Variants in NLGN1 observed in about 807,000 individuals in gnomAD.
NLGN1 encodes the protein neuroligin 1.
In NLGN1, 12 loss-of-function variants were observed where a neutral mutation model predicts 65.5. That is an observed-to-expected ratio of 0.18 (90% CI 0.12 to 0.30). The LOEUF (loss-of-function observed/expected upper bound fraction) is 0.30, where lower values mean the gene tolerates loss of function less well. Among genes scored for constraint, NLGN1 ranks in the 10% least tolerant of loss-of-function variants. The probability of loss-of-function intolerance (pLI) is 1.00; values close to 1 mark genes in which losing one functional copy is unlikely to be tolerated. For synonymous variants in NLGN1, 350 were observed against 359.5 expected (o/e 0.97, Z 0.30); for missense variants, 750 against 1,007.1 (o/e 0.74, Z 3.46).
intron 3 of NLGN1, among the ~76,000 whole-genome samples, chr3:173,665,460 A>G (rs566979036): frequency 1.4e-4 from 21 of 152,290 alleles, no homozygotes; most frequent in African/African-American, 5.1e-4. Flanking sequence ...CAGCTTGAGA[A>G]TGCACTAGTA....
At chr3:173,489,444 A>G (rs941112253) in intron 2 of NLGN1, among the ~76,000 whole-genome samples, 21 of 152,156 alleles carry the variant, frequency 1.4e-4, no homozygotes, top group Non-Finnish European at 2.6e-4. Flanking sequence ...ATAGTATTCC[A>G]TGGTGTATAT....
intron 3 of NLGN1, among the ~76,000 whole-genome samples, chr3:173,653,985 C>T (rs1759600474): frequency 6.6e-6 from 1 of 152,144 alleles, no homozygotes; most frequent in South Asian, 2.1e-4. Context: ...ACCGGATAGC[C>T]ACATGAGTGA....
chr3:173,494,048 T>A (rs1729606335), intron 2 of NLGN1, among the ~76,000 whole-genome samples: 1 of 151,722 alleles, frequency 6.6e-6, no homozygotes, highest in Admixed American at 6.6e-5. Context: ...ACTTGTGGTT[T>A]CTTTTATCTT....
intron 4 of NLGN1, among the ~76,000 whole-genome samples, chr3:174,064,525 T>C (rs1043750482): frequency 2.6e-5 from 4 of 151,412 alleles, no homozygotes; most frequent in Admixed American, 6.6e-5. Context: ...TATGCCTTAG[T>C]TTCAAATGAA....
chr3:173,751,494 C>T (rs1776293118), intron 3 of NLGN1, among the ~76,000 whole-genome samples: 1 of 151,976 alleles, frequency 6.6e-6, no homozygotes, highest in Non-Finnish European at 1.5e-5. Flanking sequence ...TTATTTCTCC[C>T]TAAATATAAG....
chr3:173,950,442 G>A (rs148234398), intron 4 of NLGN1, among the ~76,000 whole-genome samples: 68 of 152,260 alleles, frequency 4.5e-4, no homozygotes, highest in African/African-American at 1.1e-3. Context: ...AATGGCAAGC[G>A]CTGAACTAAC....
intron 2 of NLGN1, among the ~76,000 whole-genome samples, chr3:173,598,818 C>T (rs1453956541): frequency 2.0e-5 from 3 of 152,250 alleles, no homozygotes; most frequent in East Asian, 3.9e-4. Flanking sequence ...GAAACAATTC[C>T]TGTAAGGGAG....
chr3:173,990,032 G>A (rs929202321), intron 4 of NLGN1, among the ~76,000 whole-genome samples: 4 of 152,202 alleles, frequency 2.6e-5, no homozygotes, highest in Non-Finnish European at 5.9e-5. Context: ...TCAGCAGCTA[G>A]ACACATTGTT....
chr3:173,515,717 C>A (rs1560369069), intron 2 of NLGN1, among the ~76,000 whole-genome samples: 1 of 151,996 alleles, frequency 6.6e-6, no homozygotes, highest in Non-Finnish European at 1.5e-5. Context: ...TTTTACAATA[C>A]CATTTGTGAA....
intron 4 of NLGN1, among the ~76,000 whole-genome samples, chr3:173,942,124 GTGTGTGTGTGTGTGTGTA>G (rs1311412965): frequency 2.1e-4 from 30 of 144,082 alleles, no homozygotes; most frequent in African/African-American, 2.5e-4. Flanking sequence ...GTGTGTGTGT[GTGTGTGTGTGTGTGTGTA>G]TGTGTGTGTG....
chr3:173,729,093 A>T (rs1772344321), intron 3 of NLGN1, among the ~76,000 whole-genome samples: 1 of 152,026 alleles, frequency 6.6e-6, no homozygotes, highest in Admixed American at 6.6e-5. Flanking sequence ...TGAAAACACT[A>T]AGACTTTGAG....
intron 4 of NLGN1, among the ~76,000 whole-genome samples, chr3:174,049,128 G>A (rs1734248738): frequency 6.6e-6 from 1 of 152,012 alleles, no homozygotes; most frequent in Non-Finnish European, 1.5e-5. Flanking sequence ...AAGTATTTTT[G>A]AATGTCAGAA....
intron 4 of NLGN1, among the ~76,000 whole-genome samples, chr3:174,270,189 T>A (rs1313229636): frequency 2.0e-5 from 3 of 150,960 alleles, no homozygotes; most frequent in East Asian, 1.9e-4. Flanking sequence ...TGTTTATTTT[T>A]TTTTTTTTCC....
At position 173,578,095 on chromosome 3, in the gene NLGN1, G is replaced by A. The variant is rs562183194; in HGVS notation, c.-320-26184G>A. Among the ~76,000 whole-genome samples, 3 of 152,202 alleles carry A rather than the reference G, an allele frequency of 2.0e-5. No individual in the cohort carries two copies. In the South Asian group the frequency reaches 6.2e-4, roughly 32 times the overall value. Reference sequence around the variant, plus strand: ...GCTAAAAATACAAAAAATTAGCTGGGCGTGGTGGCAGGCACCTGTAGTCCC... The same window carrying A: ...GCTAAAAATACAAAAAATTAGCTGGACGTGGTGGCAGGCACCTGTAGTCCC... On this transcript the variant is annotated intron_variant, in intron 2 of 6. Coordinates refer to ENST00000457714, the Ensembl canonical transcript of NLGN1.
At chr3:173,496,984 T>C (rs775985775) in intron 2 of NLGN1, among the ~76,000 whole-genome samples, 1 of 151,884 alleles carries the variant, frequency 6.6e-6, no homozygotes, top group Non-Finnish European at 1.5e-5. Flanking sequence ...AAAAAGAAAG[T>C]TTTGCAGTGG....
chr3:173,718,847 T>C (rs1770321423), intron 3 of NLGN1, among the ~76,000 whole-genome samples: 1 of 152,196 alleles, frequency 6.6e-6, no homozygotes, highest in African/African-American at 2.4e-5. Context: ...CCAGAAACTT[T>C]CCTGTTTTTA....
At chr3:173,944,933 G>C (rs1374902257) in intron 4 of NLGN1, among the ~76,000 whole-genome samples, 1 of 152,086 alleles carries the variant, frequency 6.6e-6, no homozygotes, top group Non-Finnish European at 1.5e-5. Context: ...GTCTGGCTAG[G>C]ATTCTTTGGG....
At chr3:173,847,116 C>T (rs780883433) in intron 4 of NLGN1, among the ~76,000 whole-genome samples, 4 of 152,030 alleles carry the variant, frequency 2.6e-5, no homozygotes, top group Non-Finnish European at 2.9e-5. Flanking sequence ...AGATGCCTCT[C>T]CTAAATGTAT....
intron 3 of NLGN1, among the ~76,000 whole-genome samples, chr3:173,638,925 A>AG (rs1263743836): frequency 6.6e-6 from 1 of 152,154 alleles, no homozygotes; most frequent in African/African-American, 2.4e-5. Context: ...GAATAAATAA[A>AG]GGAGTAGTAT....
Sources: gnomAD v4.1 joint callset for allele counts (sites outside exome capture counted in the v4.1 genomes callset) on GRCh38, gnomAD v4.1.1 for gene constraint, MANE v1.5 for transcripts, NCBI Gene and HGNC (gene_info 2026-07-23, HGNC 2026-07-21) for gene names.